The following TEX11 variants were observed in gnomAD, a reference collection of about 807,000 sequenced individuals.
TEX11 encodes testis expressed 11.
Under a neutral mutation model 84.4 loss-of-function variants are expected in TEX11, and 7 were observed. The ratio of observed to expected loss-of-function variants is 0.08; its 90% confidence interval spans 0.05 to 0.16. The LOEUF is 0.16. Among genes scored for constraint, TEX11 ranks in the 10% least tolerant of loss-of-function variants. TEX11 has a pLI of 1.00. For missense variants in TEX11, 551 were observed against 660.5 expected (o/e 0.83, Z 1.82); for synonymous variants, 264 against 222.8 (o/e 1.18, Z -1.64).
At chrX:70,573,401 GA>G (rs1385565576) in intron 25 of TEX11, among the ~76,000 whole-genome samples, 3 of 111,691 alleles carry the variant, frequency 2.7e-5, no homozygotes, top group Non-Finnish European at 5.6e-5. Context: ...TTCCTTCCAG[GA>G]AAAATCCTAA....
chrX:70,788,973 TAGAGAGAGAGAGAGAGAGAGAG>T (rs35956435), intron 9 of TEX11, among the ~76,000 whole-genome samples: 4 of 9,560 alleles, frequency 4.2e-4, no homozygotes, highest in Non-Finnish European at 7.2e-4. Flanking sequence ...TATATATATA[TAGAGAGAGAGAGAGAGAGAGAG>T]AGAGAGAGAG....
intron 2 of TEX11, among the ~76,000 whole-genome samples, chrX:70,892,461 G>A (rs186657009): frequency 2.7e-5 from 3 of 112,175 alleles, no homozygotes; most frequent in African/African-American, 6.5e-5. Flanking sequence ...CTAGCCAGGC[G>A]CAGTGGCTCA....
chrX:70,793,222 A>C (rs547341014), intron 9 of TEX11, among the ~76,000 whole-genome samples: 2 of 111,975 alleles, frequency 1.8e-5, no homozygotes, highest in African/African-American at 6.5e-5. Context: ...ATCTATGACA[A>C]ACCCACGGCC....
chrX:70,557,953 A>G (rs746665339), intron 25 of TEX11, among the ~76,000 whole-genome samples: 2 of 111,678 alleles, frequency 1.8e-5, no homozygotes, highest in Admixed American at 9.6e-5. Flanking sequence ...GTTCGAGACC[A>G]GCCTGGCTAA....
intron 8 of TEX11, among the ~76,000 whole-genome samples, chrX:70,820,063 CA>C (rs2091310902): frequency 8.9e-6 from 1 of 111,890 alleles, no homozygotes; most frequent in Admixed American, 9.5e-5. Context: ...ATAGGAAAAA[CA>C]ATCCTAAAAT....
chrX:70,731,195 A>G (rs1468635092), intron 11 of TEX11, among the ~76,000 whole-genome samples: 4 of 111,954 alleles, frequency 3.6e-5, no homozygotes, highest in Admixed American at 2.9e-4. Flanking sequence ...CCCACAAGAG[A>G]AAGCAGGAAA....
At chrX:70,535,724 G>A (rs772780592) in intron 28 of TEX11, among the ~76,000 whole-genome samples, 1 of 110,302 alleles carries the variant, frequency 9.1e-6, no homozygotes, top group Non-Finnish European at 1.9e-5. Flanking sequence ...CTCCAGCCTG[G>A]GTGACGGAGT....
intron 9 of TEX11, among the ~76,000 whole-genome samples, chrX:70,794,522 C>T (rs2091144313): frequency 9.1e-6 from 1 of 109,755 alleles, no homozygotes. Context: ...TGCCCCTCCC[C>T]CAAGCCCAGG....
intron 25 of TEX11, among the ~76,000 whole-genome samples, chrX:70,563,552 T>C (rs1205147118): frequency 8.9e-6 from 1 of 112,054 alleles, no homozygotes; most frequent in Non-Finnish European, 1.9e-5. Flanking sequence ...ATTATTCCAG[T>C]ATAATATTGA....
chrX:70,625,107 G>T (rs1156233814), intron 18 of TEX11, among the ~76,000 whole-genome samples, 183 bp from the exon 19 acceptor site: 1 of 111,177 alleles, frequency 9.0e-6, no homozygotes, highest in African/African-American at 3.3e-5. Context: ...GGACACATTT[G>T]CATTAGCCCC....
intron 16 of TEX11, among the ~76,000 whole-genome samples, chrX:70,652,735 T>C (rs1221927824): frequency 9.0e-6 from 1 of 111,447 alleles, no homozygotes; most frequent in Non-Finnish European, 1.9e-5. Flanking sequence ...AATTAAAACA[T>C]AATAGACAGG....
intron 24 of TEX11, among the ~76,000 whole-genome samples, chrX:70,599,298 T>C (rs973504308): frequency 8.9e-6 from 1 of 112,281 alleles, no homozygotes; most frequent in African/African-American, 3.2e-5. Flanking sequence ...CCACTCCTGC[T>C]CTAGGAAGAA....
intron 25 of TEX11, among the ~76,000 whole-genome samples, chrX:70,568,764 C>T (rs1161151508): frequency 1.8e-5 from 2 of 111,670 alleles, no homozygotes; most frequent in Non-Finnish European, 3.8e-5. Flanking sequence ...AGAGTTTCTG[C>T]CGAGAGATCA....
chrX:70,797,162 T>A (rs2091160226), intron 9 of TEX11, among the ~76,000 whole-genome samples: 1 of 111,980 alleles, frequency 8.9e-6, no homozygotes, highest in Non-Finnish European at 1.9e-5. Flanking sequence ...CACATGCACC[T>A]GTATGTTCAT....
At chrX:70,870,193 C>T (rs887365098) in intron 4 of TEX11, among the ~76,000 whole-genome samples, 1 of 111,978 alleles carries the variant, frequency 8.9e-6, no homozygotes, top group African/African-American at 3.2e-5. Context: ...CTATTCCTTC[C>T]GAAATCCTCA....
At chrX:70,731,600 C>T (rs1326010494) in intron 11 of TEX11, among the ~76,000 whole-genome samples, 1 of 111,395 alleles carries the variant, frequency 9.0e-6, no homozygotes, top group Non-Finnish European at 1.9e-5. Context: ...CAAGACTAAA[C>T]CAGGAAGAAG....
chrX:70,564,849 G>A (rs912602293), intron 25 of TEX11, among the ~76,000 whole-genome samples: 8 of 110,642 alleles, frequency 7.2e-5, no homozygotes, highest in South Asian at 3.9e-4. Flanking sequence ...ATTGTGAATA[G>A]TGCCACAATA....
At chrX:70,903,786 G>A in intron 2 of TEX11, among the ~76,000 whole-genome samples, 1 of 108,713 alleles carries the variant, frequency 9.2e-6, no homozygotes, top group Non-Finnish European at 1.9e-5. Context: ...CATTTATTTA[G>A]CCCCAGTGGG....
chrX:70,829,575 T>C (rs1394858514), intron 8 of TEX11, among the ~76,000 whole-genome samples: 1 of 107,701 alleles, frequency 9.3e-6, no homozygotes, highest in Non-Finnish European at 1.9e-5. Context: ...TTGACTTAAG[T>C]AGAAAGAATA....
Sources: gnomAD v4.1 joint callset for allele counts (sites outside exome capture counted in the v4.1 genomes callset) on GRCh38, gnomAD v4.1.1 for gene constraint, MANE v1.5 for transcripts, NCBI Gene and HGNC (gene_info 2026-07-23, HGNC 2026-07-21) for gene names.